The following FRMD4B variants were observed in gnomAD, a reference collection of about 807,000 sequenced individuals.
The protein encoded by FRMD4B is FERM domain-containing protein 4B.
In FRMD4B, 74 loss-of-function variants were observed where a neutral mutation model predicts 141.5. That is an observed-to-expected ratio of 0.52 (90% confidence interval 0.43 to 0.63). The LOEUF (loss-of-function observed/expected upper bound fraction) is 0.63, where lower values mean the gene tolerates loss of function less well. Ranked by LOEUF, FRMD4B falls within the 30% of genes least tolerant of loss-of-function variation. The pLI is 0.00. For synonymous variants in FRMD4B, 506 were observed against 467.9 expected (o/e 1.08, Z -1.05); for missense variants, 1,366 against 1,253.4 (o/e 1.09, Z -1.36).
At chr3:69,309,743 G>A (rs200814917) in intron 3 of FRMD4B, among the ~76,000 whole-genome samples, 19 of 151,278 alleles carry the variant, frequency 1.3e-4, no homozygotes, top group Admixed American at 3.3e-4. Flanking sequence ...TATCACACCC[G>A]GCCAATATTT....
chr3:69,302,318 G>A, intron 4 of FRMD4B, 25 bp downstream of exon 4: 4 of 1,272,018 alleles, frequency 3.1e-6, no homozygotes, highest in Non-Finnish European at 4.6e-6. Context: ...AAAGAGGGAT[G>A]CTAACTGGGT....
At chr3:69,231,659 CACA>C (rs1412607402) in intron 7 of FRMD4B, among the ~76,000 whole-genome samples, 1 of 152,156 alleles carries the variant, frequency 6.6e-6, no homozygotes, top group Non-Finnish European at 1.5e-5. Flanking sequence ...TGATATAATT[CACA>C]ACAAAAATGG....
intron 1 of FRMD4B, 40 bp downstream of exon 1, chr3:69,385,788 A>C: frequency 6.8e-7 from 1 of 1,480,510 alleles, no homozygotes; most frequent in African/African-American, 1.4e-5. Flanking sequence ...AGTGCCCGGC[A>C]TCCTGCTGGG....
rs1260133974 is a variant in FRMD4B, at chr3:69,170,712, C to T, written c.*1149G>A. On this transcript the variant is annotated 3_prime_UTR_variant, in exon 23 of 23. Coordinates refer to ENST00000398540, the MANE Select transcript of FRMD4B (RefSeq NM_015123.3). Reference sequence around the variant, plus strand: ...CAAACAAACAAAACCCTACAATAAACCATAGCTAATTAGTTCTTCCAAGGA... The same window carrying T: ...CAAACAAACAAAACCCTACAATAAATCATAGCTAATTAGTTCTTCCAAGGA... 1 of 152,156 alleles carries T rather than the reference C, an allele frequency of 6.6e-6. No individual in the cohort carries two copies. The highest frequency in any genetic ancestry group is 6.5e-5 in the Admixed American group (1 of 15,272). The allele number at this position is 152,156 out of a possible 1,614,324, so 9.4% of individuals were successfully genotyped here. A position where few individuals can be genotyped will look rare whatever the true frequency, so the allele number is the denominator to read the frequency against.
chr3:69,172,763 C>T (rs573812298), intron 22 of FRMD4B, among the ~76,000 whole-genome samples: 2 of 152,264 alleles, frequency 1.3e-5, no homozygotes, highest in Non-Finnish European at 2.9e-5. Flanking sequence ...TCCTATCATA[C>T]AAACCATTCC....
intron 5 of FRMD4B, among the ~76,000 whole-genome samples, chr3:69,280,708 C>A (rs909528604): frequency 1.3e-5 from 2 of 152,106 alleles, no homozygotes; most frequent in African/African-American, 4.8e-5. Context: ...GCAACCTCTG[C>A]CTCCTGGGCT....
In FRMD4B at chr3:69,351,725, A is replaced by C. The variant is rs374874155; in HGVS notation, c.162+34103T>G. 9.8e-5 allele frequency among the ~76,000 whole-genome samples: 15 copies of C among 152,316 alleles called. No homozygotes were observed. The East Asian group carries it at 1.9e-3, about 20-fold the overall frequency. On this transcript the variant is annotated intron_variant, in intron 1 of 22. Coordinates refer to ENST00000398540, the MANE Select transcript of FRMD4B (RefSeq NM_015123.3). ...TGGACAGAGCATAGATTCGGAACTCAGGAGATCCAGAATCCAGGCTGTGCC... is the reference window on the plus strand; with the variant it reads ...TGGACAGAGCATAGATTCGGAACTCCGGAGATCCAGAATCCAGGCTGTGCC...
At chr3:69,424,535 G>A (rs751472648) in intron 2 of FRMD4B, among the ~76,000 whole-genome samples, 13 of 152,104 alleles carry the variant, frequency 8.5e-5, no homozygotes, top group Admixed American at 7.2e-4. Flanking sequence ...AATATAAGAA[G>A]CAAATCCACA....
At chr3:69,352,229 G>A (rs1575757954) in intron 1 of FRMD4B, among the ~76,000 whole-genome samples, 1 of 152,248 alleles carries the variant, frequency 6.6e-6, no homozygotes, top group African/African-American at 2.4e-5. Flanking sequence ...TTATAATGAG[G>A]CCTTAGGTCA....
chr3:69,364,503 G>A lies in FRMD4B; in HGVS notation c.162+21325C>T, dbSNP rs945757461. On this transcript the variant is annotated intron_variant, in intron 1 of 22. Transcript: ENST00000398540. ...TGGGAAACTTCCTGCAGCAATTCCA[G>A]TTTGCCTCTGAGTCAGCCTGGCTCT... is the stretch of plus-strand genomic sequence containing the variant. Among the ~76,000 whole-genome samples the A allele has an allele frequency of 2.6e-5, 4 of 152,228 alleles. No individual in the cohort carries two copies. The East Asian group carries it at 7.7e-4, about 29-fold the overall frequency.
chr3:69,510,158 G>C (rs1041533323), intron 1 of FRMD4B, among the ~76,000 whole-genome samples: 2 of 151,916 alleles, frequency 1.3e-5, no homozygotes, highest in African/African-American at 4.8e-5. Context: ...AGGGTTCTGG[G>C]ATTAAATTAC....
chr3:69,450,732 C>T (rs1402118682), intron 1 of FRMD4B, among the ~76,000 whole-genome samples: 2 of 151,106 alleles, frequency 1.3e-5, no homozygotes, highest in South Asian at 2.1e-4. Flanking sequence ...CCAGCTTGGG[C>T]GACAAGAGTG....
intron 22 of FRMD4B, among the ~76,000 whole-genome samples, chr3:69,172,542 A>G (rs1012068778): frequency 2.0e-5 from 3 of 152,226 alleles, no homozygotes; most frequent in African/African-American, 7.2e-5. Context: ...TATTGTGACA[A>G]TCACATTTTA....
At chr3:69,479,108 A>G (rs572879383) in intron 1 of FRMD4B, among the ~76,000 whole-genome samples, 1,579 of 144,194 alleles carry the variant, frequency 0.011, 13 homozygotes, top group East Asian at 0.049. Flanking sequence ...GTCTCTGCAC[A>G]TGAGATGGGT....
At chr3:69,198,616 A>T (rs1354150104) in intron 12 of FRMD4B, 82 bp downstream of exon 12, 4 of 734,558 alleles carry the variant, frequency 5.4e-6, no homozygotes, top group Non-Finnish European at 9.7e-6. Context: ...ATATGTTCAT[A>T]TAAAAACTTG....
intron 5 of FRMD4B, among the ~76,000 whole-genome samples, chr3:69,285,182 A>G (rs757825522): frequency 1.3e-5 from 2 of 152,172 alleles, no homozygotes; most frequent in Non-Finnish European, 2.9e-5. Flanking sequence ...AAACAAAACA[A>G]AAAAACAAAA....
At chr3:69,260,962 CAGCTCTCTGTAAAATGGACCAATT>C (rs1434429238) in intron 5 of FRMD4B, among the ~76,000 whole-genome samples, 2 of 152,184 alleles carry the variant, frequency 1.3e-5, no homozygotes, top group Non-Finnish European at 2.9e-5. Context: ...ACGGACCAAT[CAGCTCTCTGTAAAATGGACCAATT>C]AGCTCTCTGT....
At chr3:69,285,680 C>T (rs534884429) in intron 5 of FRMD4B, among the ~76,000 whole-genome samples, 2 of 151,922 alleles carry the variant, frequency 1.3e-5, no homozygotes, top group South Asian at 4.2e-4. Context: ...CCCATTGCTA[C>T]AAAAAATACA....
intron 1 of FRMD4B, among the ~76,000 whole-genome samples, chr3:69,323,536 G>A (rs1317941889): frequency 6.7e-6 from 1 of 149,218 alleles, no homozygotes; most frequent in Non-Finnish European, 1.5e-5. Context: ...CTGCACTCCA[G>A]CCTGGGCGAC....
Sources: allele counts gnomAD v4.1 joint callset (sites outside exome capture counted in the v4.1 genomes callset), GRCh38; gene constraint gnomAD v4.1.1; transcripts MANE v1.5; gene names NCBI Gene and HGNC (gene_info 2026-07-23, HGNC 2026-07-21).